L3MBTL4: variants seen among roughly 807,000 people sequenced by gnomAD.
L3MBTL4 encodes L3MBTL histone methyl-lysine binding protein 4.
A neutral mutation model predicts 84.5 loss-of-function variants in L3MBTL4; 70 were observed. That is an observed-to-expected ratio of 0.83 (90% CI 0.68 to 1.01). L3MBTL4 has a LOEUF of 1.01. Ranked by LOEUF, L3MBTL4 falls within the 50% of genes least tolerant of loss-of-function variation. The pLI, the probability that L3MBTL4 is intolerant of heterozygous loss-of-function variation, is 0.00. For synonymous variants in L3MBTL4, 274 were observed against 259.8 expected (o/e 1.05, Z -0.52); for missense variants, 715 against 754.8 (o/e 0.95, Z 0.62).
chr18:6,150,894 C>G (rs2042864322), intron 13 of L3MBTL4, among the ~76,000 whole-genome samples: 1 of 152,186 alleles, frequency 6.6e-6, no homozygotes, highest in African/African-American at 2.4e-5. Flanking sequence ...AGAGAAAGCT[C>G]CCATGATACA....
At chr18:6,316,012 C>T (rs1488200295) in intron 1 of L3MBTL4, among the ~76,000 whole-genome samples, 1 of 150,086 alleles carries the variant, frequency 6.7e-6, no homozygotes, top group Non-Finnish European at 1.5e-5. Flanking sequence ...CAGCTCAGAA[C>T]TTTCTAAACA....
At chr18:6,199,071 T>A (rs1229689196) in intron 12 of L3MBTL4, among the ~76,000 whole-genome samples, 3 of 152,218 alleles carry the variant, frequency 2.0e-5, no homozygotes, top group African/African-American at 7.2e-5. Context: ...TTTAAGCTTA[T>A]GATGTTCACT....
At chr18:6,024,764 C>CT (rs976596847) in intron 16 of L3MBTL4, among the ~76,000 whole-genome samples, 3 of 151,948 alleles carry the variant, frequency 2.0e-5, no homozygotes, top group East Asian at 3.9e-4. Flanking sequence ...ACAATGCTTC[C>CT]TTTTTTTTCT....
chr18:6,086,711 C>A (rs2058271411), intron 15 of L3MBTL4, among the ~76,000 whole-genome samples: 1 of 152,142 alleles, frequency 6.6e-6, no homozygotes, highest in Admixed American at 6.5e-5. Flanking sequence ...ACATTTTGAG[C>A]ATCACCCTTT....
intron 16 of L3MBTL4, among the ~76,000 whole-genome samples, chr18:5,994,031 C>T (rs927391113): frequency 3.3e-5 from 5 of 152,210 alleles, no homozygotes; most frequent in African/African-American, 1.2e-4. Flanking sequence ...CCACTGGCGA[C>T]GCTGGAACCC....
intron 5 of L3MBTL4, among the ~76,000 whole-genome samples, chr18:6,262,384 C>T (rs79502264): frequency 0.037 from 5,686 of 152,310 alleles, 138 homozygotes; most frequent in East Asian, 0.13. Context: ...CTCAACACAG[C>T]AGGCACTGCC....
intron 1 of L3MBTL4, among the ~76,000 whole-genome samples, chr18:6,360,260 A>T (rs567170857): frequency 2.0e-5 from 3 of 152,286 alleles, no homozygotes; most frequent in South Asian, 2.1e-4. Context: ...AGTCCCAGCT[A>T]CTCAGGAGAC....
chr18:6,218,998 C>T (rs914324010), intron 10 of L3MBTL4, among the ~76,000 whole-genome samples: 2 of 152,302 alleles, frequency 1.3e-5, no homozygotes, highest in East Asian at 1.9e-4. Context: ...CTCTTCACCC[C>T]TCTCAATGAA....
chr18:6,405,846 G>C (rs2055712667), intron 1 of L3MBTL4, among the ~76,000 whole-genome samples: 1 of 152,338 alleles, frequency 6.6e-6, no homozygotes, highest in East Asian at 1.9e-4. Context: ...ATGCAAAGAA[G>C]CCTCAAATTT....
chr18:5,969,372 C>T (rs1179522460), intron 17 of L3MBTL4, 21 bp downstream of exon 17: 3 of 1,612,692 alleles, frequency 1.9e-6, no homozygotes, highest in South Asian at 1.1e-5. Flanking sequence ...CCAGCCCTGG[C>T]CCCCCAGCAG....
At chr18:6,056,390 GCA>G (rs938921315) in intron 16 of L3MBTL4, among the ~76,000 whole-genome samples, 2 of 152,146 alleles carry the variant, frequency 1.3e-5, no homozygotes, top group Non-Finnish European at 2.9e-5. Context: ...TGCATCCTGA[GCA>G]CACACACCAC....
chr18:6,021,585 C>T (rs1313135180), intron 16 of L3MBTL4, among the ~76,000 whole-genome samples: 1 of 152,192 alleles, frequency 6.6e-6, no homozygotes, highest in African/African-American at 2.4e-5. Context: ...TTTTGCGGCC[C>T]TCCCTGCATG....
At chr18:6,341,445 G>T (rs2052604741) in intron 1 of L3MBTL4, among the ~76,000 whole-genome samples, 2 of 151,850 alleles carry the variant, frequency 1.3e-5, no homozygotes, top group Non-Finnish European at 1.5e-5. Context: ...CCTTTAAAAA[G>T]AACCAAACAT....
intron 12 of L3MBTL4, 103 bp downstream of exon 12, chr18:6,213,046 T>G: frequency 1.6e-6 from 1 of 641,198 alleles, no homozygotes; most frequent in Non-Finnish European, 2.6e-6. Context: ...ATTGTGCAGA[T>G]GAATTAAAAA....
At chr18:6,150,996 C>CCT (rs2042871110) in intron 13 of L3MBTL4, among the ~76,000 whole-genome samples, 1 of 152,186 alleles carries the variant, frequency 6.6e-6, no homozygotes, top group African/African-American at 2.4e-5. Flanking sequence ...CAGACTACAG[C>CCT]AGCGCCAGGC....
chr18:6,341,686 G>T (rs1265749663), intron 1 of L3MBTL4, among the ~76,000 whole-genome samples: 2 of 152,038 alleles, frequency 1.3e-5, no homozygotes, highest in African/African-American at 2.4e-5. Context: ...CCTAGAAGCA[G>T]CAGAGAAAGA....
chr18:6,378,849 C>T (rs943626689), intron 1 of L3MBTL4, among the ~76,000 whole-genome samples: 9 of 152,010 alleles, frequency 5.9e-5, no homozygotes, highest in East Asian at 3.9e-4. Flanking sequence ...TTTCCAATTC[C>T]GTGAAGAAAG....
intron 16 of L3MBTL4, chr18:6,031,025 A>G (rs1264034486): frequency 2.0e-6 from 2 of 985,242 alleles, no homozygotes; most frequent in African/African-American, 3.5e-5. Flanking sequence ...TTTCCATTTT[A>G]TAGTTGCTCT....
At chr18:6,329,700 G>A (rs1472587933) in intron 1 of L3MBTL4, among the ~76,000 whole-genome samples, 1 of 152,108 alleles carries the variant, frequency 6.6e-6, no homozygotes, top group African/African-American at 2.4e-5. Context: ...GGCTGAGCAC[G>A]TTGGCTCATG....
Sources: gnomAD v4.1 joint callset for allele counts (sites outside exome capture counted in the v4.1 genomes callset) on GRCh38, gnomAD v4.1.1 for gene constraint, MANE v1.5 for transcripts, NCBI Gene and HGNC (gene_info 2026-07-23, HGNC 2026-07-21) for gene names.